RIPOR2: variants seen among roughly 807,000 people sequenced by gnomAD.
RIPOR2 encodes RHO family interacting cell polarization regulator 2, also known as rho family-interacting cell polarization regulator 2.
RIPOR2 carries 39 observed loss-of-function variants against 114.5 expected under a neutral mutation model. That is an observed-to-expected ratio of 0.34 (90% CI 0.26 to 0.44). The LOEUF is 0.44. Ranked by LOEUF, RIPOR2 falls within the 20% of genes least tolerant of loss-of-function variation. RIPOR2 has a pLI of 1.00. For synonymous variants in RIPOR2, 445 were observed against 484.4 expected (o/e 0.92, Z 1.07); for missense variants, 1,007 against 1,255.1 (o/e 0.80, Z 2.99).
rs184977589 is a variant in RIPOR2 at position 24,984,190 on chromosome 6, C to T, written c.76+57661G>A. On this transcript the variant is annotated intron_variant, in intron 1 of 13. Transcript: ENST00000510784. Reference sequence around the variant, plus strand: ...CATTTTGTTTGTTGTCTCACGCGTCCGTGTGAAGAGACCACCAAACAGGCT... The same window carrying T: ...CATTTTGTTTGTTGTCTCACGCGTCTGTGTGAAGAGACCACCAAACAGGCT... Among the ~76,000 whole-genome samples the T allele has an allele frequency of 2.6e-5, 4 of 152,294 alleles. No individual in the cohort carries two copies. The South Asian group carries it at 6.2e-4, about 24-fold the overall frequency.
chr6:24,932,792 G>A (rs947198289), intron 1 of RIPOR2, among the ~76,000 whole-genome samples: 1 of 152,120 alleles, frequency 6.6e-6, no homozygotes, highest in African/African-American at 2.4e-5. Context: ...CAAGCTTCTG[G>A]GCATTTTCCT....
intron 1 of RIPOR2, among the ~76,000 whole-genome samples, chr6:24,913,030 G>T (rs1769790413): frequency 1.3e-5 from 2 of 152,178 alleles, no homozygotes; most frequent in South Asian, 4.1e-4. Context: ...TTGAAAGTCA[G>T]ATGTGATTCC....
intron 1 of RIPOR2, among the ~76,000 whole-genome samples, chr6:24,961,370 A>C (rs1051483723): frequency 6.6e-6 from 1 of 152,148 alleles, no homozygotes; most frequent in Non-Finnish European, 1.5e-5. Flanking sequence ...TTTAGTAAAC[A>C]ATTTGAGCAA....
chr6:24,807,784 G>A (rs1025280490), intron 21 of RIPOR2, among the ~76,000 whole-genome samples: 5 of 152,112 alleles, frequency 3.3e-5, no homozygotes, highest in Non-Finnish European at 7.4e-5. Context: ...CATACTAGTT[G>A]GTAAATAGTT....
chr6:24,923,876 T>C lies in RIPOR2; in HGVS notation c.61+11962A>G, dbSNP rs117983320. On this transcript the variant is annotated intron_variant, in intron 1 of 21. Coordinates refer to ENST00000643898, the MANE Select transcript of RIPOR2 (RefSeq NM_001286445.3). ...AAAATAAAATAAATAAATAAATAAATAAACAAATAAATGAAGAACTGCTCA... is the reference window on the plus strand; with the variant it reads ...AAAATAAAATAAATAAATAAATAAACAAACAAATAAATGAAGAACTGCTCA... 1.4e-3 allele frequency among the ~76,000 whole-genome samples: 209 copies of C among 151,948 alleles called. 4 individuals are homozygous for C. The East Asian group carries it at 0.038, about 28-fold the overall frequency.
At chr6:24,830,710 T>A (rs1275663501) in intron 16 of RIPOR2, 40 bp from the exon 17 acceptor site, 1 of 1,488,528 alleles carries the variant, frequency 6.7e-7, no homozygotes, top group Non-Finnish European at 9.0e-7. Flanking sequence ...TAACACATTT[T>A]ATTTTATTTT....
chr6:24,913,395 C>A lies in RIPOR2; in HGVS notation c.61+22443G>T, dbSNP rs375653532. On this transcript the variant is annotated intron_variant, in intron 1 of 21. Transcript: ENST00000643898. The stretch of plus-strand genomic sequence containing the variant: ...TGGAGTATGGAAGGTGAAGGGCCAA[C>A]ACAGGCCTGAACTGACTGCATTAGA... 4.2e-4 allele frequency among the ~76,000 whole-genome samples: 64 copies of A among 152,270 alleles called. No homozygotes were observed. The East Asian group carries it at 9.9e-3, about 23-fold the overall frequency.
rs141317921 is a variant in RIPOR2 at position 24,967,438 on chromosome 6, A to T, written c.76+74413T>A. 2.3e-4 allele frequency among the ~76,000 whole-genome samples: 35 copies of T among 152,320 alleles called. No individual in the cohort carries two copies. The East Asian group carries it at 6.7e-3, about 29-fold the overall frequency. ...TGGTGGAAGGAAGCAGGGCCTTGGT[A>T]CCATCTGTTCCAATCTCTTCATTTC... On this transcript the variant is annotated intron_variant, in intron 1 of 13. Transcript: ENST00000510784.
intron 12 of RIPOR2, 143 bp from the exon 13 acceptor site, chr6:24,843,697 C>T (rs1041451844): frequency 3.0e-5 from 14 of 472,060 alleles, no homozygotes; most frequent in South Asian, 2.6e-4. Context: ...TTTGTTGATG[C>T]CGTGTGTGTG....
intron 6 of RIPOR2, among the ~76,000 whole-genome samples, chr6:24,866,900 G>A (rs1288003938): frequency 1.3e-5 from 2 of 152,104 alleles, no homozygotes; most frequent in Non-Finnish European, 2.9e-5. Flanking sequence ...TCCAGAAGAA[G>A]GTGGAGATGC....
At chr6:24,950,465 GA>G (rs1473331777) in intron 1 of RIPOR2, among the ~76,000 whole-genome samples, 1 of 152,118 alleles carries the variant, frequency 6.6e-6, no homozygotes, top group Non-Finnish European at 1.5e-5. Context: ...CAATATTAAT[GA>G]CAATAAAGGC....
chr6:24,873,773 G>A lies in RIPOR2; in HGVS notation c.215C>T (p.Ser72Phe), dbSNP rs1273615224. The stretch of plus-strand genomic sequence containing the variant: ...TTTGGCCTGAGGCTTCTTGAGAGCG[G>A]AGGAATTTTCAATGAAGGAGTTACA... The part of the protein sequence containing the change: ...SRCNSFIENS[S>F]ALKKPQAKLK... The change falls in exon 3 of 22, where the codon TCC (serine) becomes TTC (phenylalanine). Residue 72 changes from serine (S) to phenylalanine (F), a missense_variant. Coordinates refer to ENST00000643898, the MANE Select transcript of RIPOR2 (RefSeq NM_001286445.3). 1.2e-6 allele frequency: 2 copies of A among 1,611,976 alleles called. No individual in the cohort carries two copies. The highest frequency in any genetic ancestry group is 1.3e-5 in the African/African-American group (1 of 74,646).
chr6:24,877,409 C>A (rs1314610539), intron 1 of RIPOR2: 1 of 953,536 alleles, frequency 1.0e-6, no homozygotes, highest in African/African-American at 1.8e-5. Flanking sequence ...CTTGCTCTTT[C>A]ATCTGGGTGA....
chr6:24,845,911 G>A (rs956238757), intron 12 of RIPOR2, among the ~76,000 whole-genome samples: 2 of 152,150 alleles, frequency 1.3e-5, no homozygotes, highest in Non-Finnish European at 2.9e-5. Flanking sequence ...TGCATTTGGA[G>A]GACACTGAGA....
At chr6:24,949,099 C>G (rs749161886) in intron 1 of RIPOR2, among the ~76,000 whole-genome samples, 24 of 152,048 alleles carry the variant, frequency 1.6e-4, no homozygotes, top group Non-Finnish European at 2.6e-4. Flanking sequence ...TTTCTTAGAA[C>G]CATATCTGGT....
intron 1 of RIPOR2, among the ~76,000 whole-genome samples, chr6:24,960,093 A>T (rs1773234693): frequency 6.6e-6 from 1 of 152,204 alleles, no homozygotes; most frequent in Non-Finnish European, 1.5e-5. Flanking sequence ...GAATACAGTT[A>T]GTTCATTTTT....
chr6:24,829,234 A>T (rs1246320320), intron 17 of RIPOR2, among the ~76,000 whole-genome samples: 1 of 152,166 alleles, frequency 6.6e-6, no homozygotes, highest in Non-Finnish European at 1.5e-5. Flanking sequence ...GGATCGCTTG[A>T]ACCTGGGAGG....
Position 24,865,281 on chromosome 6 carries a change from A to C in RIPOR2, c.651+20T>G, listed in dbSNP as rs1321760360. ...AGGCCAGATGGGATTCGGCAACTTA[A>C]GCAGGTTAGGGAGTTATACCTCTGT... On this transcript the variant is annotated intron_variant, in intron 7 of 21. Coordinates refer to ENST00000643898, the MANE Select transcript of RIPOR2 (RefSeq NM_001286445.3). 1 of 1,578,234 alleles carries C rather than the reference A, an allele frequency of 6.3e-7. No homozygotes were observed. The highest frequency in any genetic ancestry group is 1.2e-5 in the South Asian group (1 of 86,058).
chr6:24,874,714 A>C (rs1426554977), intron 2 of RIPOR2, among the ~76,000 whole-genome samples: 6 of 152,230 alleles, frequency 3.9e-5, no homozygotes, highest in Non-Finnish European at 7.3e-5. Flanking sequence ...GCACTATGCA[A>C]TTTTAGGTAC....
Sources: gnomAD v4.1 joint callset for allele counts (sites outside exome capture counted in the v4.1 genomes callset) on GRCh38, gnomAD v4.1.1 for gene constraint, MANE v1.5 for transcripts, NCBI Gene and HGNC (gene_info 2026-07-23, HGNC 2026-07-21) for gene names.